FAM13A: variants seen among roughly 807,000 people sequenced by gnomAD.
The protein encoded by FAM13A is family with sequence similarity 13 member A.
Under a neutral mutation model 129.6 loss-of-function variants are expected in FAM13A, and 76 were observed. The ratio of observed to expected loss-of-function variants is 0.59; its 90% CI spans 0.49 to 0.71. The LOEUF is 0.71. FAM13A is among the 30% of genes least tolerant of loss of function. The probability of loss-of-function intolerance (pLI) is 0.00; values close to 1 mark genes in which losing one functional copy is unlikely to be tolerated. For missense variants in FAM13A, 1,108 were observed against 1,249.3 expected (o/e 0.89, Z 1.70); for synonymous variants, 443 against 449.9 (o/e 0.98, Z 0.20).
intron 6 of FAM13A, among the ~76,000 whole-genome samples, chr4:88,869,260 T>C (rs1230633380): frequency 3.3e-5 from 5 of 152,268 alleles, no homozygotes; most frequent in Admixed American, 3.3e-4. Context: ...GCCAGATTTA[T>C]ATTTTTAAGC....
chr4:88,742,696 C>T (rs147915025), intron 19 of FAM13A, among the ~76,000 whole-genome samples: 6 of 152,248 alleles, frequency 3.9e-5, no homozygotes, highest in African/African-American at 2.4e-5. Flanking sequence ...GCAGGACCTT[C>T]GCTGAACTGT....
At chr4:88,891,176 ACATT>A (rs1745244503) in intron 6 of FAM13A, among the ~76,000 whole-genome samples, 1 of 152,228 alleles carries the variant, frequency 6.6e-6, no homozygotes, top group African/African-American at 2.4e-5. Flanking sequence ...TAATCTCAGC[ACATT>A]GAGAGGCTGA....
intron 3 of FAM13A, among the ~76,000 whole-genome samples, chr4:89,012,840 G>A (rs989338688): frequency 6.6e-6 from 1 of 151,760 alleles, no homozygotes; most frequent in Non-Finnish European, 1.5e-5. Flanking sequence ...GTTTACACAG[G>A]ATATAATTCA....
At chr4:88,752,503 C>A (rs1193855262) in intron 14 of FAM13A, among the ~76,000 whole-genome samples, 1 of 152,072 alleles carries the variant, frequency 6.6e-6, no homozygotes, top group Non-Finnish European at 1.5e-5. Flanking sequence ...GATAAAAATA[C>A]AAATATTTTA....
At chr4:89,050,451 C>T (rs1771434988) in intron 1 of FAM13A, among the ~76,000 whole-genome samples, 1 of 152,018 alleles carries the variant, frequency 6.6e-6, no homozygotes, top group African/African-American at 2.4e-5. Flanking sequence ...AGTGATCCAC[C>T]TGCATTGGCA....
chr4:88,908,414 G>A (rs1431454246), intron 5 of FAM13A, among the ~76,000 whole-genome samples: 1 of 152,162 alleles, frequency 6.6e-6, no homozygotes, highest in Non-Finnish European at 1.5e-5. Flanking sequence ...AAGAAACAAG[G>A]CTGACTGTTA....
chr4:88,945,990 G>GTGTGTGTGTGTGTGTATATATATATATA, intron 4 of FAM13A, among the ~76,000 whole-genome samples: 2 of 61,942 alleles, frequency 3.2e-5, no homozygotes, highest in African/African-American at 1.7e-4. Context: ...GTGTGTGTGT[G>GTGTGTGTGTGTGTGTATATATATATATA]TATATATATA....
Position 88,744,373 on chromosome 4 carries a change from T to C in FAM13A, c.2466+2559A>G, listed in dbSNP as rs186376005. Among the ~76,000 whole-genome samples the C allele has an allele frequency of 3.2e-3, 494 of 152,300 alleles. 4 individuals carry two copies. The highest frequency in any genetic ancestry group is 0.011 in the African/African-American group (470 of 41,564). On this transcript the variant is annotated intron_variant, in intron 19 of 23. Transcript: ENST00000264344. Reference sequence around the variant, plus strand: ...TGAAGAGGACGCACTTTAATAATAATAGGGAATTATATGCCTGTGTATAAG... The same window carrying C: ...TGAAGAGGACGCACTTTAATAATAACAGGGAATTATATGCCTGTGTATAAG...
intron 3 of FAM13A, among the ~76,000 whole-genome samples, chr4:89,010,632 A>G (rs1223703607): frequency 6.6e-6 from 1 of 152,200 alleles, no homozygotes; most frequent in Non-Finnish European, 1.5e-5. Context: ...CTAAGTTTGC[A>G]GGGATCTTTC....
chr4:89,022,823 G>C (rs1188768315), intron 2 of FAM13A, among the ~76,000 whole-genome samples: 16 of 152,146 alleles, frequency 1.1e-4, no homozygotes, highest in Non-Finnish European at 1.5e-5. Flanking sequence ...AACAACTAAA[G>C]GTGGTCTCTG....
At chr4:88,946,043 C>G (rs2148852104) in intron 4 of FAM13A, among the ~76,000 whole-genome samples, 1 of 121,518 alleles carries the variant, frequency 8.2e-6, no homozygotes, top group East Asian at 2.4e-4. Context: ...ATCAGCTGTT[C>G]TAGCTTGCTC....
In FAM13A at chr4:88,950,082, A is replaced by G. The variant is rs1579447611; in HGVS notation, c.606-11841T>C. 3.3e-5 allele frequency among the ~76,000 whole-genome samples: 5 copies of G among 152,354 alleles called. No individual in the cohort carries two copies. In the East Asian group the frequency reaches 9.6e-4, roughly 29 times the overall value. ...GGATAAGTAATTTTAAAAGTTTTATACTGGATAACTAGATATGTTTCAATC... is the reference window on the plus strand; with the variant it reads ...GGATAAGTAATTTTAAAAGTTTTATGCTGGATAACTAGATATGTTTCAATC... On this transcript the variant is annotated intron_variant, in intron 4 of 23. Transcript: ENST00000264344.
chr4:88,986,954 T>C (rs970247198), intron 4 of FAM13A, among the ~76,000 whole-genome samples: 7 of 152,200 alleles, frequency 4.6e-5, no homozygotes, highest in Admixed American at 1.3e-4. Context: ...GCAAATAACT[T>C]AGCACCCAGA....
chr4:88,874,815 A>C (rs928980918), intron 6 of FAM13A, among the ~76,000 whole-genome samples: 2 of 152,222 alleles, frequency 1.3e-5, no homozygotes, highest in Admixed American at 6.5e-5. Context: ...GGAACCAAGA[A>C]AGAGCCTGCA....
chr4:88,930,044 T>C (rs1752800712), intron 5 of FAM13A, among the ~76,000 whole-genome samples: 1 of 152,170 alleles, frequency 6.6e-6, no homozygotes, highest in Non-Finnish European at 1.5e-5. Context: ...CATTTTTTTT[T>C]TAAGATATCA....
chr4:88,737,758 A>G (rs1470151840), intron 20 of FAM13A: 2 of 585,178 alleles, frequency 3.4e-6, no homozygotes, highest in African/African-American at 1.9e-5. Context: ...CACACACATA[A>G]ATCAAGGAGG....
At chr4:88,737,391 C>A (rs927628946) in intron 21 of FAM13A, 81 bp downstream of exon 21, 6 of 1,204,792 alleles carry the variant, frequency 5.0e-6, no homozygotes, top group Middle Eastern at 2.5e-4. Flanking sequence ...GATCACACCC[C>A]CTTTCCATTC....
intron 6 of FAM13A, among the ~76,000 whole-genome samples, chr4:88,853,329 A>AT (rs1470575639): frequency 6.6e-6 from 1 of 152,174 alleles, no homozygotes; most frequent in African/African-American, 2.4e-5. Context: ...CCTCACATAC[A>AT]TTTTTTGTGG....
chr4:89,022,813 A>T (rs1484845753), intron 2 of FAM13A, among the ~76,000 whole-genome samples: 1 of 152,224 alleles, frequency 6.6e-6, no homozygotes, highest in Admixed American at 6.5e-5. Flanking sequence ...GCCACGGGCA[A>T]ACAACTAAAG....
Sources: allele counts gnomAD v4.1 joint callset (sites outside exome capture counted in the v4.1 genomes callset), GRCh38; gene constraint gnomAD v4.1.1; transcripts MANE v1.5; gene names NCBI Gene and HGNC (gene_info 2026-07-23, HGNC 2026-07-21).